Variants in ZRANB2 observed in about 807,000 individuals in gnomAD.
ZRANB2 encodes the protein zinc finger Ran-binding domain-containing protein 2.
In ZRANB2, 19 loss-of-function variants were observed where a neutral mutation model predicts 53.4. The observed-to-expected ratio is 0.36, with a 90% CI of 0.25 to 0.52. The LOEUF is 0.52. ZRANB2 is among the 20% of genes least tolerant of loss of function. The pLI is 0.93. For synonymous variants in ZRANB2, 145 were observed against 134.8 expected, an observed-to-expected ratio of 1.08 and a Z score of -0.52; for missense variants, 309 against 401.1, an observed-to-expected ratio of 0.77 and a Z score of 1.96.
rs1449939173 is a variant in ZRANB2, at chr1:71,066,848, T to C, written c.857A>G (p.Lys286Arg). Reference protein sequence around the residue: ...SSSSSPERNRKRSRSRSSSSG... With the variant: ...SSSSSPERNRRRSRSRSSSSG... ...TGAAGAAGATCTAGAACGACTTCTC[T>C]TTCTGTTCCTCTCAGGAGAAGATGA... Residue 286 changes from lysine to arginine, a missense_variant, in exon 9 of 10, where the codon AAG becomes AGG. This residue lies in a region of ZRANB2 where 211 missense variants were observed against 196.1 expected (regional missense o/e 1.08). Coordinates refer to ENST00000370920, the MANE Select transcript of ZRANB2 (RefSeq NM_203350.3). The C allele has an allele frequency of 1.2e-6, 2 of 1,612,614 alleles. No individual in the cohort carries two copies. The highest frequency in any genetic ancestry group is 8.5e-7 in the Non-Finnish European group (1 of 1,179,598).
intron 3 of ZRANB2, among the ~76,000 whole-genome samples, chr1:71,077,231 T>C (rs561709444): frequency 2.0e-5 from 3 of 152,170 alleles, no homozygotes; most frequent in African/African-American, 7.2e-5. Flanking sequence ...GACATGACAC[T>C]CAACAGAAAC....
At chr1:71,067,678 G>A in intron 8 of ZRANB2, 1 of 435,726 alleles carries the variant, frequency 2.3e-6, no homozygotes, top group Non-Finnish European at 4.6e-6. Flanking sequence ...AATAAAACCA[G>A]AAAGCCCAAA....
intron 4 of ZRANB2, among the ~76,000 whole-genome samples, chr1:71,073,079 T>C (rs1661629414): frequency 6.6e-6 from 1 of 152,106 alleles, no homozygotes; most frequent in Non-Finnish European, 1.5e-5. Context: ...CTGGTTTAAT[T>C]GGTTTTAACA....
chr1:71,068,399 G>T (rs1183225267), intron 8 of ZRANB2, among the ~76,000 whole-genome samples: 1 of 152,086 alleles, frequency 6.6e-6, no homozygotes, highest in African/African-American at 2.4e-5. Context: ...AAAACAAAGA[G>T]AGCATATTTT....
In ZRANB2 at chr1:71,072,199, T is replaced by C. The variant is rs1325396497; in HGVS notation, c.435A>G (p.Leu145=). The C allele has an allele frequency of 2.4e-5, 38 of 1,612,274 alleles. No individual in the cohort carries two copies. The highest frequency in any genetic ancestry group is 2.9e-5 in the Non-Finnish European group (34 of 1,179,250). Residue 145 remains leucine (L), a synonymous_variant, in exon 6 of 10, where the codon TTA becomes TTG. Transcript: ENST00000370920. The part of the protein sequence containing the change: ...RGKAVGPASI[L]KEVEDKESEG... The stretch of plus-strand genomic sequence containing the variant: ...CTGATTCTTTATCTTCAACTTCCTT[T>C]AATATAGATGCAGGACCAACTGCTT...
At chr1:71,075,112 TAA>T (rs1171472147) in intron 4 of ZRANB2, among the ~76,000 whole-genome samples, 2 of 152,202 alleles carry the variant, frequency 1.3e-5, no homozygotes, top group South Asian at 2.1e-4. Context: ...TTGAAACTGT[TAA>T]AAAGATTTTA....
chr1:71,076,480 A>T (rs989375801), intron 4 of ZRANB2, among the ~76,000 whole-genome samples: 1 of 152,252 alleles, frequency 6.6e-6, no homozygotes, highest in Non-Finnish European at 1.5e-5. Flanking sequence ...AAAAGAATTT[A>T]AAAATGGTAT....
rs867288353 is a variant in ZRANB2 at position 71,063,695 on chromosome 1, C to T, written c.*1379G>A. Reference sequence around the variant, plus strand: ...GGAAAGCTCACTGTAAAAATATTATCAAAATATTTCTACATAAGATATCTT... The same window carrying T: ...GGAAAGCTCACTGTAAAAATATTATTAAAATATTTCTACATAAGATATCTT... On this transcript the variant is annotated 3_prime_UTR_variant, in exon 10 of 10. Coordinates refer to ENST00000370920, the MANE Select transcript of ZRANB2 (RefSeq NM_203350.3). The T allele has an allele frequency of 8.0e-4, 122 of 152,472 alleles. No homozygotes were observed. The highest frequency in any genetic ancestry group is 2.9e-3 in the African/African-American group (119 of 41,518). 9.4% of individuals were successfully genotyped at this position (152,472 alleles called of 1,614,324 possible).
At chr1:71,071,970 G>T in intron 6 of ZRANB2, 151 bp downstream of exon 6, 1 of 1,134,854 alleles carries the variant, frequency 8.8e-7, no homozygotes, top group Non-Finnish European at 1.2e-6. Context: ...AGTACAAATA[G>T]TACTTGGCAG....
chr1:71,069,041 C>A (rs896842258), intron 8 of ZRANB2, among the ~76,000 whole-genome samples: 1 of 152,066 alleles, frequency 6.6e-6, no homozygotes, highest in African/African-American at 2.4e-5. Flanking sequence ...AAATAATAAA[C>A]GCTGCATATT....
intron 1 of ZRANB2, among the ~76,000 whole-genome samples, chr1:71,080,643 C>G (rs1258860406): frequency 8.5e-6 from 1 of 118,196 alleles, no homozygotes; most frequent in Non-Finnish European, 1.7e-5. Flanking sequence ...TAAAACCTGG[C>G]CGGGGCGGGG....
At chr1:71,069,695 T>C (rs1040884509) in intron 7 of ZRANB2, 2 of 160,484 alleles carry the variant, frequency 1.2e-5, no homozygotes, top group Non-Finnish European at 2.7e-5. Flanking sequence ...AATGTTGCGA[T>C]TTATACTTAA....
chr1:71,072,134 T>C lies in ZRANB2; in HGVS notation c.500A>G (p.Tyr167Cys). The C allele has an allele frequency of 6.2e-7, 1 of 1,608,620 alleles. No individual in the cohort carries two copies. Reference protein sequence around the residue: ...EEDEDEDLSKYKLDEDEDEDD... With the variant: ...EEDEDEDLSKCKLDEDEDEDD... The stretch of plus-strand genomic sequence containing the variant: ...AAAATTGTTCACCTCATCTAACTTA[T>C]ATTTAGAAAGATCTTCATCCTCATC... The change falls in exon 6 of 10, where the codon TAT becomes TGT. Residue 167 changes from tyrosine to cysteine, a missense_variant. Tyr to Cys is a radical substitution (Grantham distance 194). This residue lies in a region of ZRANB2 where 74 missense variants were observed against 180.1 expected (regional missense o/e 0.41). Coordinates refer to ENST00000370920, the MANE Select transcript of ZRANB2 (RefSeq NM_203350.3).
intron 4 of ZRANB2, among the ~76,000 whole-genome samples, chr1:71,076,239 C>A (rs947451178): frequency 6.6e-6 from 1 of 152,124 alleles, no homozygotes; most frequent in Admixed American, 6.6e-5. Context: ...ACATACAAAG[C>A]CAATGATCAA....
chr1:71,078,250 T>C (rs996936270), intron 3 of ZRANB2, among the ~76,000 whole-genome samples: 1 of 152,224 alleles, frequency 6.6e-6, no homozygotes, highest in Non-Finnish European at 1.5e-5. Context: ...TAATCCATCA[T>C]AGTGACAACT....
At chr1:71,078,931 T>C (rs1661771299) in intron 1 of ZRANB2, among the ~76,000 whole-genome samples, 1 of 152,198 alleles carries the variant, frequency 6.6e-6, no homozygotes, top group Non-Finnish European at 1.5e-5. Context: ...TTACCAGTCA[T>C]GTGATCTTGA....
In ZRANB2 at chr1:71,065,129, C is replaced by A. The variant is rs1661391921; in HGVS notation, c.938G>T (p.Arg313Met). The A allele has an allele frequency of 6.2e-7, 1 of 1,610,982 alleles. No individual in the cohort carries two copies. The highest frequency in any genetic ancestry group is 1.3e-5 in the African/African-American group (1 of 74,892). The change falls in exon 10 of 10, where the codon AGG (arginine) becomes ATG (methionine). Residue 313 changes from arginine to methionine, a missense_variant. Physicochemically the swap from Arg to Met is moderately conservative, Grantham distance 91. This residue lies in a region of ZRANB2 where 211 missense variants were observed against 196.1 expected (regional missense o/e 1.08). Transcript: ENST00000370920. Reference sequence around the variant, plus strand: ...AGAATGGGATGATCCAGATGATGACCTGTGGCGTCTGTAAGACATAATGGA... The same window carrying A: ...AGAATGGGATGATCCAGATGATGACATGTGGCGTCTGTAAGACATAATGGA... ...TRSRSPERRH[R>M]SSSGSSHSGS...
At position 71,064,317 on chromosome 1, in the gene ZRANB2, TCACA is replaced by T. The variant is rs1661370430; in HGVS notation, c.*753_*756del. 2.0e-5 allele frequency: 3 copies of T among 152,244 alleles called. No homozygotes were observed. The highest frequency in any genetic ancestry group is 2.0e-4 in the Admixed American group (3 of 15,274). 9.4% of individuals were successfully genotyped at this position (152,244 alleles called of 1,614,324 possible). A position where few individuals can be genotyped will look rare whatever the true frequency, so the allele number is the denominator to read the frequency against. ...TTTGGTAACTACATTTGGAAGAATA[TCACA>T]CAAAGCTTCTTAAAACATTGGTAAA... On this transcript the variant is annotated 3_prime_UTR_variant, in exon 10 of 10. Transcript: ENST00000370920.
At chr1:71,077,751 G>T (rs1661739416) in intron 3 of ZRANB2, among the ~76,000 whole-genome samples, 1 of 152,184 alleles carries the variant, frequency 6.6e-6, no homozygotes, top group South Asian at 2.1e-4. Flanking sequence ...AGTTACTAAG[G>T]AGGCTGAAGT....
Sources: gnomAD v4.1 joint callset for allele counts (sites outside exome capture counted in the v4.1 genomes callset) on GRCh38, gnomAD v4.1.1 for gene constraint, gnomAD v4.1.1 regional missense constraint, MANE v1.5 for transcripts, NCBI Gene and HGNC (gene_info 2026-07-23, HGNC 2026-07-21) for gene names.